Variants in WDPCP observed in about 807,000 individuals in gnomAD.
The protein encoded by WDPCP is WD repeat containing planar cell polarity effector, also known as WD repeat-containing and planar cell polarity effector protein fritz homolog.
Under a neutral mutation model 93.1 loss-of-function variants are expected in WDPCP, and 71 were observed. The observed-to-expected ratio is 0.76, with a 90% CI of 0.63 to 0.93. The LOEUF (loss-of-function observed/expected upper bound fraction) is 0.93. Among genes scored for constraint, WDPCP ranks in the 40% least tolerant of loss-of-function variants. WDPCP has a pLI of 0.00. For missense variants in WDPCP, 844 were observed against 887.4 expected (o/e 0.95, Z 0.62); for synonymous variants, 315 against 315.0 (o/e 1.00, Z 0.00).
At chr2:63,729,517 A>G (rs1669531486) in intron 2 of WDPCP, among the ~76,000 whole-genome samples, 1 of 152,128 alleles carries the variant, frequency 6.6e-6, no homozygotes, top group Admixed American at 6.6e-5. Context: ...AGTTAGTGGC[A>G]GGGCCAGGAC....
chr2:63,676,880 T>A (rs560231053), intron 2 of WDPCP, among the ~76,000 whole-genome samples: 1 of 152,302 alleles, frequency 6.6e-6, no homozygotes, highest in Admixed American at 6.5e-5. Flanking sequence ...CCAATGTTCG[T>A]TTTTTGGTTT....
exon 1 of WDPCP, chr2:63,827,638 T>C (rs1671133857): frequency 6.6e-6 from 1 of 152,190 alleles, no homozygotes; most frequent in Non-Finnish European, 1.5e-5. Flanking sequence ...TAAAAGTCCA[T>C]GGATAGCCTG....
rs1669988399 is a variant in WDPCP at position 63,757,639 on chromosome 2, C to G, written n.308+55983G>C. Among the ~76,000 whole-genome samples, 17 of 152,296 alleles carry G rather than the reference C, an allele frequency of 1.1e-4. 1 individual carries two copies. In the South Asian group the frequency reaches 3.5e-3, roughly 32 times the overall value. On this transcript the variant is annotated intron_variant and non_coding_transcript_variant, in intron 2 of 4. Transcript: ENST00000467687. ...AAGGCATGTAGCCATTAGAGCTATTCTAAATATTCTAGTTCTTCTGGGGAT... is the reference window on the plus strand; with the variant it reads ...AAGGCATGTAGCCATTAGAGCTATTGTAAATATTCTAGTTCTTCTGGGGAT...
intron 2 of WDPCP, among the ~76,000 whole-genome samples, chr2:63,711,868 C>T (rs1408385817): frequency 6.6e-6 from 1 of 152,204 alleles, no homozygotes; most frequent in Non-Finnish European, 1.5e-5. Flanking sequence ...GAAACACATT[C>T]CTGACCTTTT....
intron 1 of WDPCP, among the ~76,000 whole-genome samples, chr2:63,516,702 T>C (rs533969857): frequency 7.2e-4 from 109 of 152,296 alleles, no homozygotes; most frequent in Admixed American, 1.2e-3. Context: ...ATAGGAAATC[T>C]TGAGCCACAA....
intron 1 of WDPCP, chr2:63,827,594 A>G (rs1671133202): frequency 6.6e-6 from 1 of 152,210 alleles, no homozygotes; most frequent in Non-Finnish European, 1.5e-5. Context: ...AAAATGGCCT[A>G]AACGAATAAA....
chr2:63,795,491 C>A (rs1445175843), intron 2 of WDPCP, among the ~76,000 whole-genome samples: 7 of 143,676 alleles, frequency 4.9e-5, no homozygotes, highest in South Asian at 2.2e-4. Context: ...CATAGTGAGA[C>A]CCTGTCTCAA....
chr2:63,130,027 G>A (rs944238887), intron 17 of WDPCP, among the ~76,000 whole-genome samples: 5 of 152,136 alleles, frequency 3.3e-5, no homozygotes, highest in Admixed American at 2.0e-4. Context: ...CATGGATACA[G>A]AGGGCCAACT....
chr2:63,724,245 A>C (rs1669467097), intron 2 of WDPCP, among the ~76,000 whole-genome samples: 1 of 152,242 alleles, frequency 6.6e-6, no homozygotes, highest in African/African-American at 2.4e-5. Flanking sequence ...AAATGGGCTA[A>C]AAGTACCACA....
At chr2:63,619,665 C>T (rs747773336) in intron 3 of WDPCP, among the ~76,000 whole-genome samples, 10 of 152,180 alleles carry the variant, frequency 6.6e-5, no homozygotes, top group Admixed American at 1.3e-4. Flanking sequence ...TAATTATTAT[C>T]GATTTCAAAT....
At chr2:63,575,207 T>TAATAGA (rs1293309280) in intron 1 of WDPCP, among the ~76,000 whole-genome samples, 1 of 151,224 alleles carries the variant, frequency 6.6e-6, no homozygotes, top group Non-Finnish European at 1.5e-5. Flanking sequence ...CTATGTTACA[T>TAATAGA]AATAGAAATA....
intron 12 of WDPCP, among the ~76,000 whole-genome samples, chr2:63,355,506 C>T (rs1356304229): frequency 6.6e-6 from 1 of 152,128 alleles, no homozygotes; most frequent in African/African-American, 2.4e-5. Flanking sequence ...CACACTTAAA[C>T]ACACAGGGCA....
At chr2:63,314,944 G>A (rs1350702669) in intron 12 of WDPCP, among the ~76,000 whole-genome samples, 1 of 152,110 alleles carries the variant, frequency 6.6e-6, no homozygotes, top group Non-Finnish European at 1.5e-5. Context: ...CTTCTTTCTA[G>A]GTAAGAGGTA....
At chr2:63,457,751 A>G (rs1558660711) in intron 6 of WDPCP, among the ~76,000 whole-genome samples, 1 of 152,202 alleles carries the variant, frequency 6.6e-6, no homozygotes, top group African/African-American at 2.4e-5. Flanking sequence ...ATAAAATTCA[A>G]CACTCCTTCA....
chr2:63,132,061 C>T (rs1670329815), intron 17 of WDPCP, among the ~76,000 whole-genome samples: 1 of 151,986 alleles, frequency 6.6e-6, no homozygotes, highest in Admixed American at 6.5e-5. Flanking sequence ...GTCTTGAACT[C>T]CTGATCTCAA....
chr2:63,565,396 C>T (rs1210595120), intron 1 of WDPCP, among the ~76,000 whole-genome samples: 1 of 152,082 alleles, frequency 6.6e-6, no homozygotes, highest in South Asian at 2.1e-4. Context: ...TGGAGATATA[C>T]ACCTTGAAAA....
chr2:63,201,784 ACT>A (rs1315124606), intron 14 of WDPCP, among the ~76,000 whole-genome samples: 2 of 152,056 alleles, frequency 1.3e-5, no homozygotes, highest in Non-Finnish European at 2.9e-5. Context: ...ATCCAATGTG[ACT>A]CTTCAAATAT....
intron 3 of WDPCP, among the ~76,000 whole-genome samples, chr2:63,613,081 G>A (rs556681168): frequency 2.0e-5 from 3 of 152,058 alleles, no homozygotes; most frequent in South Asian, 2.1e-4. Context: ...AGTTAGTCAC[G>A]TGCATGGCTC....
intron 6 of WDPCP, among the ~76,000 whole-genome samples, chr2:63,472,453 T>A (rs1699750226): frequency 6.6e-6 from 1 of 152,124 alleles, no homozygotes; most frequent in African/African-American, 2.4e-5. Flanking sequence ...TGGTTCATTA[T>A]CATGTCCCTT....
Sources: allele counts gnomAD v4.1 joint callset (sites outside exome capture counted in the v4.1 genomes callset), GRCh38; gene constraint gnomAD v4.1.1; transcripts MANE v1.5; gene names NCBI Gene and HGNC (gene_info 2026-07-23, HGNC 2026-07-21).